SH3PXD2A: variants seen among roughly 807,000 people sequenced by gnomAD.
SH3PXD2A encodes SH3 and PX domain-containing protein 2A.
SH3PXD2A carries 32 observed loss-of-function variants against 115.2 expected under a neutral mutation model. The observed-to-expected ratio is 0.28, with a 90% confidence interval of 0.21 to 0.37. The LOEUF is 0.37. SH3PXD2A is among the 10% of genes least tolerant of loss of function. SH3PXD2A has a pLI of 1.00. For synonymous variants in SH3PXD2A, 610 were observed against 629.1 expected (o/e 0.97, Z 0.45); for missense variants, 1,328 against 1,498.7 (o/e 0.89, Z 1.88).
At chr10:103,712,066 G>A (rs1002668798) in intron 5 of SH3PXD2A, among the ~76,000 whole-genome samples, 2 of 151,266 alleles carry the variant, frequency 1.3e-5, no homozygotes, top group African/African-American at 4.9e-5. Flanking sequence ...AAAAAAAAAG[G>A]AAAGAAAATA....
At chr10:103,616,828 AG>A (rs1180535230) in intron 11 of SH3PXD2A, among the ~76,000 whole-genome samples, 1 of 151,218 alleles carries the variant, frequency 6.6e-6, no homozygotes, top group African/African-American at 2.4e-5. Flanking sequence ...CCAGTGCTCC[AG>A]GCAGCCCTAG....
At chr10:103,809,685 CCCTCCCTT>C (rs1243294924) in intron 1 of SH3PXD2A, among the ~76,000 whole-genome samples, 10 of 117,756 alleles carry the variant, frequency 8.5e-5, no homozygotes, top group African/African-American at 1.4e-4. Context: ...CTCCCTCCCT[CCCTCCCTT>C]CCTTCTTTTG....
chr10:103,814,850 G>C (rs1179530601), intron 1 of SH3PXD2A, among the ~76,000 whole-genome samples: 2 of 152,320 alleles, frequency 1.3e-5, no homozygotes, highest in Admixed American at 1.3e-4. Context: ...GACCATTTCT[G>C]ACGGCCCCAA....
chr10:103,813,016 T>TA (rs966926823), intron 1 of SH3PXD2A, among the ~76,000 whole-genome samples: 2 of 151,994 alleles, frequency 1.3e-5, no homozygotes, highest in African/African-American at 4.8e-5. Flanking sequence ...TGTCTATTGA[T>TA]AAAAAAAGGT....
Position 103,756,603 on chromosome 10 carries a change from G to A in SH3PXD2A, c.229+10491C>T, listed in dbSNP as rs2038644094. Among the ~76,000 whole-genome samples, 1 of 152,144 alleles carries A rather than the reference G, an allele frequency of 6.6e-6. No homozygotes were observed. On this transcript the variant is annotated intron_variant, in intron 3 of 14. Transcript: ENST00000369774. This position sits in a 1 kb window ranked among gnomAD's most constrained non-coding sequence, Gnocchi z 4.4. ...GGCTTCGGCCACCTCAGGGAGGAGGGAGGAAGTCCTTTCCCTTCACCCCCA... is the reference window on the plus strand; with the variant it reads ...GGCTTCGGCCACCTCAGGGAGGAGGAAGGAAGTCCTTTCCCTTCACCCCCA...
intron 1 of SH3PXD2A, among the ~76,000 whole-genome samples, chr10:103,848,264 CT>C (rs1681498642): frequency 6.6e-6 from 1 of 152,026 alleles, no homozygotes; most frequent in Non-Finnish European, 1.5e-5. Flanking sequence ...GTGCAATCAA[CT>C]TTTTATGGGG....
At chr10:103,734,925 A>G (rs2038363089) in intron 4 of SH3PXD2A, among the ~76,000 whole-genome samples, 1 of 152,188 alleles carries the variant, frequency 6.6e-6, no homozygotes, top group Non-Finnish European at 1.5e-5. Flanking sequence ...TTCCATCCTC[A>G]TGACCACCGT....
rs189685286 is a variant in SH3PXD2A, at chr10:103,782,520, G to A, written c.154-15351C>T. The stretch of plus-strand genomic sequence containing the variant: ...TCTCTCCCATTCCTTCATAACCAGC[G>A]GCAGCTCACTATGCATTCATTTATT... On this transcript the variant is annotated intron_variant, in intron 2 of 14. Coordinates refer to ENST00000369774, the MANE Select transcript of SH3PXD2A (RefSeq NM_001394015.1). Among the ~76,000 whole-genome samples, 304 of 152,232 alleles carry A rather than the reference G, an allele frequency of 2.0e-3. 1 individual carries two copies. Among genetic ancestry groups the A allele is most frequent in the Middle Eastern group, 3.4e-3 (1 of 294 alleles).
chr10:103,604,853 C>T (rs947179289), intron 14 of SH3PXD2A, among the ~76,000 whole-genome samples: 4 of 152,208 alleles, frequency 2.6e-5, no homozygotes. Flanking sequence ...AACCTCAGTA[C>T]AGAGAGAATG....
intron 2 of SH3PXD2A, among the ~76,000 whole-genome samples, chr10:103,779,475 CAGGG>C (rs1400132799): frequency 6.6e-6 from 1 of 152,082 alleles, no homozygotes; most frequent in East Asian, 1.9e-4. Flanking sequence ...GGTGCTGGAG[CAGGG>C]AGGGTATACA....
intron 2 of SH3PXD2A, among the ~76,000 whole-genome samples, chr10:103,778,274 G>C (rs2038899353): frequency 6.6e-6 from 1 of 152,236 alleles, no homozygotes; most frequent in African/African-American, 2.4e-5. Context: ...GGAGTTTGCA[G>C]TGAACCGAGA....
intron 7 of SH3PXD2A, 43 bp from the exon 8 acceptor site, chr10:103,661,157 T>C: frequency 6.3e-7 from 1 of 1,599,568 alleles, no homozygotes. Context: ...CGGCCAGCCA[T>C]GGCCCCGCGG....
Position 103,855,482 on chromosome 10 carries a change from CG to C in SH3PXD2A, c.-217del. ...GCTCCGTGCGCCCCGGGGGACTCCC[CG>C]CCGGCCTGCCGCGCGCCCCTTCACT... On this transcript the variant is annotated 5_prime_UTR_variant, in exon 1 of 15. Coordinates refer to ENST00000369774, the MANE Select transcript of SH3PXD2A (RefSeq NM_001394015.1). 6.3e-6 allele frequency: 1 copy of C among 158,360 alleles called. No individual in the cohort carries two copies. The highest frequency in any genetic ancestry group is 2.4e-5 in the African/African-American group (1 of 41,272). 9.8% of individuals were successfully genotyped at this position (158,360 alleles called of 1,614,324 possible). A position where few individuals can be genotyped will look rare whatever the true frequency, so the allele number is the denominator to read the frequency against.
At chr10:103,695,237 A>G (rs1317681276) in intron 5 of SH3PXD2A, among the ~76,000 whole-genome samples, 2 of 152,166 alleles carry the variant, frequency 1.3e-5, no homozygotes, top group Non-Finnish European at 2.9e-5. Context: ...GCTGCCTCAC[A>G]GGAATGGCTG....
chr10:103,839,379 C>T (rs1177071066), intron 1 of SH3PXD2A, among the ~76,000 whole-genome samples: 1 of 152,174 alleles, frequency 6.6e-6, no homozygotes, highest in Non-Finnish European at 1.5e-5. Context: ...GGGGATGCTC[C>T]GCCTTCTCTG....
chr10:103,635,241 C>T (rs2036846005), intron 8 of SH3PXD2A, among the ~76,000 whole-genome samples: 1 of 152,252 alleles, frequency 6.6e-6, no homozygotes, highest in Non-Finnish European at 1.5e-5. Flanking sequence ...GCTGCCACAC[C>T]TGGCTTCTTC....
chr10:103,776,723 T>C (rs544147551), intron 2 of SH3PXD2A, among the ~76,000 whole-genome samples: 77 of 152,128 alleles, frequency 5.1e-4, no homozygotes, highest in African/African-American at 1.8e-3. Context: ...CATCTCCACA[T>C]GATGCTCTCC....
intron 8 of SH3PXD2A, among the ~76,000 whole-genome samples, chr10:103,630,070 A>C (rs2036756129): frequency 6.6e-6 from 1 of 152,156 alleles, no homozygotes; most frequent in Non-Finnish European, 1.5e-5. Flanking sequence ...GCCCACAGCC[A>C]CTTGCACATT....
chr10:103,602,893 G>T lies in SH3PXD2A; in HGVS notation c.2325C>A (p.Ile775=). The change falls in exon 15 of 15, where the codon ATC becomes ATA. Residue 775 remains isoleucine (I), a synonymous_variant. Transcript: ENST00000369774. The part of the protein sequence containing the change: ...AESQSQEKMD[I]STLRRQLRPT... ...GTCTCAGCTGGCGCCGTAAAGTGCT[G>T]ATGTCCATCTTCTCTTGGCTCTGCG... 6.2e-7 allele frequency: 1 copy of T among 1,614,114 alleles called. No individual in the cohort carries two copies. The highest frequency in any genetic ancestry group is 1.1e-5 in the South Asian group (1 of 91,072).
Sources: allele counts gnomAD v4.1 joint callset (sites outside exome capture counted in the v4.1 genomes callset), GRCh38; gene constraint gnomAD v4.1.1; non-coding constraint Gnocchi (gnomAD v3.1); transcripts MANE v1.5; gene names NCBI Gene and HGNC (gene_info 2026-07-23, HGNC 2026-07-21).